The following CACNA1D variants were observed in gnomAD, a reference collection of about 807,000 sequenced individuals.
CACNA1D encodes calcium voltage-gated channel subunit alpha1 D.
Under a neutral mutation model 257.1 loss-of-function variants are expected in CACNA1D, and 55 were observed. The observed-to-expected ratio is 0.21, with a 90% CI of 0.17 to 0.27. The LOEUF is 0.27. Among genes scored for constraint, CACNA1D ranks in the 10% least tolerant of loss-of-function variants. The pLI, the probability that CACNA1D is intolerant of heterozygous loss-of-function variation, is 1.00. For synonymous variants in CACNA1D, 980 were observed against 1,014.9 expected (o/e 0.97, Z 0.65); for missense variants, 1,876 against 2,784.0 (o/e 0.67, Z 7.34).
intron 20 of CACNA1D, among the ~76,000 whole-genome samples, chr3:53,735,988 G>C (rs114606178): frequency 2.0e-5 from 3 of 152,132 alleles, no homozygotes; most frequent in Non-Finnish European, 2.9e-5. Context: ...TAGGCTCCAC[G>C]ACTCAGGAGA....
At chr3:53,543,393 A>T (rs1314473794) in intron 3 of CACNA1D, among the ~76,000 whole-genome samples, 1 of 152,188 alleles carries the variant, frequency 6.6e-6, no homozygotes, top group Non-Finnish European at 1.5e-5. Context: ...TTCAGCATTT[A>T]CAGTTGAGTT....
intron 21 of CACNA1D, among the ~76,000 whole-genome samples, chr3:53,742,124 G>T (rs2095124077): frequency 6.6e-6 from 1 of 152,092 alleles, no homozygotes; most frequent in African/African-American, 2.4e-5. Context: ...AGGCTCTTTG[G>T]TTATTTGCTT....
chr3:53,693,118 C>T (rs1208208209), intron 8 of CACNA1D, among the ~76,000 whole-genome samples: 7 of 152,142 alleles, frequency 4.6e-5, no homozygotes, highest in East Asian at 1.9e-4. Flanking sequence ...AACAAGGGAC[C>T]CCCATTTTCT....
At chr3:53,510,672 A>G (rs1287625907) in intron 3 of CACNA1D, among the ~76,000 whole-genome samples, 1 of 152,098 alleles carries the variant, frequency 6.6e-6, no homozygotes, top group Admixed American at 6.5e-5. Context: ...CTTTTACCTC[A>G]CACCACATCT....
At chr3:53,749,662 G>A (rs903039887) in intron 27 of CACNA1D, among the ~76,000 whole-genome samples, 193 bp downstream of exon 27, 3 of 152,204 alleles carry the variant, frequency 2.0e-5, no homozygotes, top group Non-Finnish European at 2.9e-5. Context: ...CGATACATAT[G>A]AGACTTTGTA....
rs1576728057 is a variant in CACNA1D, at chr3:53,804,968, C to T, written c.5586-15C>T. The T allele has an allele frequency of 3.7e-6, 6 of 1,613,596 alleles. No individual in the cohort carries two copies. The highest frequency in any genetic ancestry group is 5.1e-6 in the Non-Finnish European group (6 of 1,179,500). ...TGTTACCTAGAACCTTACTGCCCTC[C>T]TCTCTGACCTCCAGGCAAAACTATG... On this transcript the variant is annotated splice_polypyrimidine_tract_variant and intron_variant, in intron 44 of 47. Coordinates refer to ENST00000350061, the MANE Select transcript of CACNA1D (RefSeq NM_001128840.3).
At chr3:53,589,437 G>C (rs1372432953) in intron 3 of CACNA1D, among the ~76,000 whole-genome samples, 2 of 152,090 alleles carry the variant, frequency 1.3e-5, no homozygotes, top group Non-Finnish European at 2.9e-5. Flanking sequence ...AGGAAGCCTG[G>C]GCATGGGGGT....
At chr3:53,616,934 G>A (rs573344143) in intron 3 of CACNA1D, among the ~76,000 whole-genome samples, 17 of 152,196 alleles carry the variant, frequency 1.1e-4, no homozygotes, top group Admixed American at 4.6e-4. Context: ...AAGAATGGTT[G>A]GTGTCACAGT....
At chr3:53,619,136 C>T (rs775882665) in intron 3 of CACNA1D, among the ~76,000 whole-genome samples, 14 of 152,284 alleles carry the variant, frequency 9.2e-5, no homozygotes, top group South Asian at 2.1e-4. Context: ...ACCAATAAAA[C>T]GGGCACACCC....
intron 30 of CACNA1D, among the ~76,000 whole-genome samples, chr3:53,769,413 C>T (rs2095354074): frequency 6.6e-6 from 1 of 152,194 alleles, no homozygotes; most frequent in African/African-American, 2.4e-5. Context: ...CCTCTCTCCT[C>T]CTCGCCCTGA....
At chr3:53,671,770 C>G (rs929426643) in intron 7 of CACNA1D, among the ~76,000 whole-genome samples, 1 of 152,112 alleles carries the variant, frequency 6.6e-6, no homozygotes, top group African/African-American at 2.4e-5. Context: ...TTTGGCTTCT[C>G]GAGGCAAACA....
chr3:53,572,689 A>G (rs140339330), intron 3 of CACNA1D, among the ~76,000 whole-genome samples: 43 of 152,282 alleles, frequency 2.8e-4, no homozygotes, highest in African/African-American at 1.0e-3. Context: ...CGTGAGCCAC[A>G]GTGCCCAGCC....
At chr3:53,731,227 G>A (rs749802818) in intron 17 of CACNA1D, 81 bp downstream of exon 17, 3 of 897,970 alleles carry the variant, frequency 3.3e-6, no homozygotes, top group Middle Eastern at 2.2e-4. Context: ...TTACACTGTG[G>A]AAGTGTCTTG....
chr3:53,634,220 T>G (rs143215063), intron 3 of CACNA1D, among the ~76,000 whole-genome samples: 1 of 152,356 alleles, frequency 6.6e-6, no homozygotes, highest in East Asian at 1.9e-4. Context: ...AATGTAATGA[T>G]TTCAGTTGGT....
chr3:53,787,212 G>A (rs961143283), intron 40 of CACNA1D, among the ~76,000 whole-genome samples: 3 of 152,100 alleles, frequency 2.0e-5, no homozygotes, highest in Non-Finnish European at 2.9e-5. Flanking sequence ...AGGAGCGAGC[G>A]CTACCCTCGC....
At chr3:53,718,793 G>A (rs755987004) in intron 10 of CACNA1D, 45 of 1,452,658 alleles carry the variant, frequency 3.1e-5, no homozygotes, top group Non-Finnish European at 4.0e-5. Flanking sequence ...TGCTTTTGAA[G>A]AAGAGCTTCT....
chr3:53,588,434 T>C (rs1013647768), intron 3 of CACNA1D, among the ~76,000 whole-genome samples: 21 of 152,176 alleles, frequency 1.4e-4, no homozygotes, highest in African/African-American at 4.6e-4. Context: ...TGAGCTCTGC[T>C]TTGTGTGAGT....
At chr3:53,546,312 C>G (rs1001808539) in intron 3 of CACNA1D, among the ~76,000 whole-genome samples, 1 of 152,104 alleles carries the variant, frequency 6.6e-6, no homozygotes, top group Non-Finnish European at 1.5e-5. Context: ...AGAGTGTGAC[C>G]GATTCCAGGA....
At chr3:53,527,902 G>A (rs1252671081) in intron 3 of CACNA1D, among the ~76,000 whole-genome samples, 2 of 152,210 alleles carry the variant, frequency 1.3e-5, no homozygotes, top group Non-Finnish European at 2.9e-5. Flanking sequence ...ATCTGTCCAT[G>A]AGTGTAGGCT....
Sources: allele counts gnomAD v4.1 joint callset (sites outside exome capture counted in the v4.1 genomes callset), GRCh38; gene constraint gnomAD v4.1.1; transcripts MANE v1.5; gene names NCBI Gene and HGNC (gene_info 2026-07-23, HGNC 2026-07-21).